Variants in SLC1A1 observed in about 807,000 individuals in gnomAD.
SLC1A1 encodes the protein excitatory amino acid transporter 3.
A neutral mutation model predicts 53.3 loss-of-function variants in SLC1A1; 43 were observed. That is an observed-to-expected ratio of 0.81 (90% confidence interval 0.63 to 1.04). SLC1A1 has a LOEUF of 1.04. Ranked by LOEUF, SLC1A1 falls within the 50% of genes least tolerant of loss-of-function variation. SLC1A1 has a pLI of 0.00. For synonymous variants in SLC1A1, 307 were observed against 243.2 expected (o/e 1.26, Z -2.44); for missense variants, 748 against 664.9 (o/e 1.12, Z -1.37).
Position 4,585,906 on chromosome 9 carries a change from G to A in SLC1A1, c.*348G>A. 1 of 204,330 alleles carries A rather than the reference G, an allele frequency of 4.9e-6. No individual in the cohort carries two copies. Among genetic ancestry groups the A allele is most frequent in the Non-Finnish European group, 1.0e-5 (1 of 99,990 alleles). 12.7% of individuals were successfully genotyped at this position (204,330 alleles called of 1,614,324 possible). On this transcript the variant is annotated 3_prime_UTR_variant, in exon 12 of 12. Transcript: ENST00000262352. ...TTCTCATGCATAGACAAGTGTTTTG[G>A]GTTTTTAAAAAAAATATTCTGTCAT...
chr9:4,579,574 C>A (rs960412724), intron 10 of SLC1A1, among the ~76,000 whole-genome samples: 3 of 152,200 alleles, frequency 2.0e-5, no homozygotes, highest in African/African-American at 7.2e-5. Context: ...CCGGCTACCT[C>A]TGGTATATTC....
intron 1 of SLC1A1, among the ~76,000 whole-genome samples, chr9:4,521,869 T>G (rs957958095): frequency 2.0e-5 from 3 of 152,122 alleles, no homozygotes; most frequent in African/African-American, 7.2e-5. Context: ...CCCACTTGTT[T>G]GCATGTTGAT....
chr9:4,504,906 A>C (rs1820747537), intron 1 of SLC1A1, among the ~76,000 whole-genome samples: 1 of 152,216 alleles, frequency 6.6e-6, no homozygotes. Flanking sequence ...TTTTGTAGCA[A>C]GATTGACCAA....
At chr9:4,504,532 G>A (rs1820736126) in intron 1 of SLC1A1, among the ~76,000 whole-genome samples, 1 of 152,252 alleles carries the variant, frequency 6.6e-6, no homozygotes, top group Non-Finnish European at 1.5e-5. Flanking sequence ...ACCAGGAGAT[G>A]TAACAGGCTT....
chr9:4,577,113 T>A (rs1020770907), intron 10 of SLC1A1, among the ~76,000 whole-genome samples: 4 of 152,126 alleles, frequency 2.6e-5, no homozygotes, highest in African/African-American at 9.7e-5. Flanking sequence ...TGATGAGGGA[T>A]GTAAGAGAAC....
Position 4,541,354 on chromosome 9 carries a change from G to C in SLC1A1, c.92-3213G>C, listed in dbSNP as rs1816990526. Among the ~76,000 whole-genome samples, 3 of 152,188 alleles carry C rather than the reference G, an allele frequency of 2.0e-5. No homozygotes were observed. The South Asian group carries it at 6.2e-4, about 32-fold the overall frequency. Reference sequence around the variant, plus strand: ...TACAGCAAACAAAGAAGTTTAGTAGGATTATAATATTTTCTATACAAGCCT... The same window carrying C: ...TACAGCAAACAAAGAAGTTTAGTAGCATTATAATATTTTCTATACAAGCCT... On this transcript the variant is annotated intron_variant, in intron 1 of 11. Transcript: ENST00000262352.
At chr9:4,570,490 C>T (rs1380514575) in intron 6 of SLC1A1, among the ~76,000 whole-genome samples, 2 of 151,822 alleles carry the variant, frequency 1.3e-5, no homozygotes, top group African/African-American at 4.8e-5. Flanking sequence ...TCTGCCTCAG[C>T]CTCCCAAGCA....
At chr9:4,507,064 T>G (rs1364713389) in intron 1 of SLC1A1, among the ~76,000 whole-genome samples, 1 of 152,060 alleles carries the variant, frequency 6.6e-6, no homozygotes, top group Non-Finnish European at 1.5e-5. Flanking sequence ...ACCCCCTCTC[T>G]ATTAAAAATA....
In SLC1A1 at chr9:4,490,722, C is replaced by T; in HGVS notation, c.43C>T (p.Leu15=). The stretch of plus-strand genomic sequence containing the variant: ...GAAAGGATGCGAGTGGAAGCGCTTC[C>T]TGAAGAATAACTGGGTGTTGCTGTC... The part of the protein sequence containing the change: ...ARKGCEWKRF[L]KNNWVLLSTV... The change falls in exon 1 of 12, where the codon CTG becomes TTG. Residue 15 remains leucine (L), a synonymous_variant. Transcript: ENST00000262352. 6.2e-7 allele frequency: 1 copy of T among 1,612,932 alleles called. No homozygotes were observed. The highest frequency in any genetic ancestry group is 1.3e-5 in the African/African-American group (1 of 74,986).
chr9:4,558,048 T>C (rs1818587870), intron 2 of SLC1A1, among the ~76,000 whole-genome samples: 1 of 145,262 alleles, frequency 6.9e-6, no homozygotes, highest in Non-Finnish European at 1.6e-5. Flanking sequence ...TTGTCATCAT[T>C]ATTATTTGTA....
At chr9:4,548,349 A>G (rs1280219086) in intron 2 of SLC1A1, among the ~76,000 whole-genome samples, 2 of 152,182 alleles carry the variant, frequency 1.3e-5, no homozygotes, top group African/African-American at 4.8e-5. Context: ...TAACGTATAC[A>G]GTTATTAGGC....
At chr9:4,514,222 G>C (rs1342982082) in intron 1 of SLC1A1, among the ~76,000 whole-genome samples, 2 of 152,162 alleles carry the variant, frequency 1.3e-5, no homozygotes, top group Admixed American at 1.3e-4. Context: ...ATGCCCTTAA[G>C]AGTCAGTTGG....
At chr9:4,522,716 T>TGTGAGC (rs1408002120) in intron 1 of SLC1A1, among the ~76,000 whole-genome samples, 1 of 151,514 alleles carries the variant, frequency 6.6e-6, no homozygotes, top group African/African-American at 2.4e-5. Flanking sequence ...GGAGAGAGAG[T>TGTGAGC]GTGAGCGTGT....
chr9:4,511,717 C>A (rs370914622), intron 1 of SLC1A1, among the ~76,000 whole-genome samples: 3 of 151,994 alleles, frequency 2.0e-5, no homozygotes, highest in Non-Finnish European at 4.4e-5. Flanking sequence ...CACTGGAAAC[C>A]TGGGCCAGTG....
chr9:4,517,303 T>C (rs1815885285), intron 1 of SLC1A1, among the ~76,000 whole-genome samples: 1 of 152,236 alleles, frequency 6.6e-6, no homozygotes, highest in Non-Finnish European at 1.5e-5. Context: ...AGGGTAGCTC[T>C]GAACTCCTAC....
chr9:4,522,270 C>G (rs1032042313), intron 1 of SLC1A1, among the ~76,000 whole-genome samples: 1 of 151,976 alleles, frequency 6.6e-6, no homozygotes, highest in Non-Finnish European at 1.5e-5. Context: ...CCAGGATGGT[C>G]TCGATCTCCT....
intron 1 of SLC1A1, among the ~76,000 whole-genome samples, chr9:4,534,591 G>A (rs575660273): frequency 6.6e-6 from 1 of 151,968 alleles, no homozygotes; most frequent in Admixed American, 6.5e-5. Context: ...ACCAAAAAAA[G>A]TCCAGGACCA....
chr9:4,505,583 G>A (rs146071344), intron 1 of SLC1A1, among the ~76,000 whole-genome samples: 190 of 152,274 alleles, frequency 1.2e-3, no homozygotes, highest in African/African-American at 4.1e-3. Flanking sequence ...TTGGCTCTAC[G>A]TGCAAAAGAT....
chr9:4,564,882 C>T (rs1402566072), intron 4 of SLC1A1, among the ~76,000 whole-genome samples: 5 of 152,188 alleles, frequency 3.3e-5, no homozygotes, highest in Non-Finnish European at 7.3e-5. Context: ...ACATAAGATA[C>T]ACATTACAAT....
Sources: allele counts gnomAD v4.1 joint callset (sites outside exome capture counted in the v4.1 genomes callset), GRCh38; gene constraint gnomAD v4.1.1; transcripts MANE v1.5; gene names NCBI Gene and HGNC (gene_info 2026-07-23, HGNC 2026-07-21).